PCBP3: variants seen among roughly 807,000 people sequenced by gnomAD.
PCBP3 encodes the protein poly(rC) binding protein 3, also known as poly(rC)-binding protein 3.
PCBP3 carries 25 observed loss-of-function variants against 52.7 expected under a neutral mutation model. The observed-to-expected ratio is 0.47, with a 90% CI of 0.35 to 0.66. The LOEUF (loss-of-function observed/expected upper bound fraction) is 0.66. Among genes scored for constraint, PCBP3 ranks in the 30% least tolerant of loss-of-function variants. The probability of loss-of-function intolerance (pLI) is 0.01; values close to 1 mark genes in which losing one functional copy is unlikely to be tolerated. For missense variants in PCBP3, 391 were observed against 490.3 expected (o/e 0.80, Z 1.91); for synonymous variants, 162 against 183.0 (o/e 0.89, Z 0.93).
chr21:45,823,921 T>C (rs146356342), intron 4 of PCBP3, among the ~76,000 whole-genome samples: 4,472 of 151,992 alleles, frequency 0.029, 79 homozygotes, highest in Non-Finnish European at 0.04. Context: ...TTTTTATTTT[T>C]AGTAGAGATG....
intron 1 of PCBP3, among the ~76,000 whole-genome samples, chr21:45,657,498 T>C (rs2080094508): frequency 6.6e-6 from 1 of 152,246 alleles, no homozygotes; most frequent in South Asian, 2.1e-4. Flanking sequence ...CTCTATTCCA[T>C]GGACCTATAT....
chr21:45,794,853 C>T (rs1479940538), intron 4 of PCBP3, among the ~76,000 whole-genome samples: 1 of 151,388 alleles, frequency 6.6e-6, no homozygotes, highest in Admixed American at 6.6e-5. Flanking sequence ...GGCGTGAACC[C>T]GGGAGGCGGA....
Position 45,749,257 on chromosome 21 carries a change from G to C in PCBP3, c.-161-6160G>C, listed in dbSNP as rs1260324302. 2 of 152,194 alleles carry C rather than the reference G, an allele frequency of 1.3e-5. 1 individual carries two copies. The allele number at this position is 152,194 out of a possible 1,614,324, so 9.4% of individuals were successfully genotyped here. ...TTGCTATTAGATTGTAAGAAGTTCA[G>C]ATCTCAAGTACTCATGGTCAAATTA... On this transcript the variant is annotated intron_variant, in intron 3 of 17. Transcript: ENST00000681687.
At chr21:45,893,535 G>A (rs923872251) in intron 5 of PCBP3, among the ~76,000 whole-genome samples, 1 of 152,138 alleles carries the variant, frequency 6.6e-6, no homozygotes, top group African/African-American at 2.4e-5. Context: ...AGGCACATCT[G>A]CAGATGGTGG....
rs938916124 is a variant in PCBP3, at chr21:45,658,490, G to GA, written c.-278-10383dup. ...GGCTAATTTTTGAATTTTTAGTTGA[G>GA]ACAGGGTCTTACCATGTTGGCCAGG... On this transcript the variant is annotated intron_variant, in intron 1 of 17. Transcript: ENST00000681687. Among the ~76,000 whole-genome samples, 21 of 152,244 alleles carry GA rather than the reference G, an allele frequency of 1.4e-4. 1 individual carries two copies. Among genetic ancestry groups the GA allele is most frequent in the African/African-American group, 4.6e-4 (19 of 41,538 alleles).
At position 45,909,427 on chromosome 21, in the gene PCBP3, G is replaced by C. The variant is rs2096282276; in HGVS notation, c.412G>C (p.Ala138Pro). The change falls in exon 10 of 18, where the codon GCC becomes CCC. Residue 138 changes from alanine (A) to proline (P), a missense_variant. Physicochemically the swap from Ala to Pro is conservative, Grantham distance 27. Transcript: ENST00000681687. ...AGTGACGCTGAGGCTGGTGGTGCCT[G>C]CCAGCCAGTGTGGGTCCCTGATCGG... ...PPVTLRLVVP[A>P]SQCGSLIGKG... The C allele has an allele frequency of 6.2e-7, 1 of 1,613,046 alleles. No individual in the cohort carries two copies. The highest frequency in any genetic ancestry group is 8.5e-7 in the Non-Finnish European group (1 of 1,179,500).
chr21:45,710,241 G>A (rs2083741121), intron 2 of PCBP3, among the ~76,000 whole-genome samples: 1 of 152,166 alleles, frequency 6.6e-6, no homozygotes. Context: ...CCATGTTGGT[G>A]TGCTGCACCC....
chr21:45,899,463 C>A, intron 6 of PCBP3, 136 bp from the exon 7 acceptor site: 1 of 662,486 alleles, frequency 1.5e-6, no homozygotes, highest in Non-Finnish European at 2.7e-6. Flanking sequence ...TGAATTCTCC[C>A]TTCTTCATGC....
chr21:45,649,793 TA>T (rs1460621871), intron 1 of PCBP3, among the ~76,000 whole-genome samples: 8 of 152,106 alleles, frequency 5.3e-5, no homozygotes, highest in Admixed American at 3.9e-4. Flanking sequence ...TGAACTTTGT[TA>T]TTTTTTTTTT....
chr21:45,649,845 G>A (rs545112606), intron 1 of PCBP3, among the ~76,000 whole-genome samples: 1 of 151,682 alleles, frequency 6.6e-6, no homozygotes, highest in African/African-American at 2.4e-5. Flanking sequence ...CACTTTACTA[G>A]TAGTTTAATA....
intron 5 of PCBP3, among the ~76,000 whole-genome samples, chr21:45,892,952 T>A (rs1379720576): frequency 6.7e-6 from 1 of 149,790 alleles, no homozygotes; most frequent in Non-Finnish European, 1.5e-5. Context: ...GGGGAGGGAG[T>A]CCTGGGGAGG....
At chr21:45,825,099 C>G (rs2093271106) in intron 4 of PCBP3, among the ~76,000 whole-genome samples, 1 of 152,204 alleles carries the variant, frequency 6.6e-6, no homozygotes, top group Admixed American at 6.5e-5. Context: ...CAGCAGGTGT[C>G]CCTGCATTGG....
chr21:45,816,712 A>T (rs1353815615), intron 4 of PCBP3, among the ~76,000 whole-genome samples: 1 of 149,580 alleles, frequency 6.7e-6, no homozygotes, highest in Non-Finnish European at 1.5e-5. Flanking sequence ...ACACCTCCTG[A>T]GAGACCTGAC....
chr21:45,880,212 G>A lies in PCBP3; in HGVS notation c.11-15996G>A, dbSNP rs919037061. 2.4e-4 allele frequency among the ~76,000 whole-genome samples: 37 copies of A among 152,212 alleles called. No individual in the cohort carries two copies. Among genetic ancestry groups the A allele is most frequent in the African/African-American group, 7.7e-4 (32 of 41,462 alleles). ...GATTTGCAAGTCACGGCCAGCCTTC[G>A]AAAGCAGGACTGTTGCCTGGTTCCC... On this transcript the variant is annotated intron_variant, in intron 5 of 17. Coordinates refer to ENST00000681687, the MANE Select transcript of PCBP3 (RefSeq NM_001384156.1). The surrounding 1 kb of genome is among the most constrained non-coding windows in gnomAD (Gnocchi z 5.4).
chr21:45,923,036 C>T (rs2149398355), intron 13 of PCBP3, among the ~76,000 whole-genome samples: 1 of 152,384 alleles, frequency 6.6e-6, no homozygotes, highest in East Asian at 1.9e-4. Context: ...GGATGCGGCC[C>T]TTCATCCCAG....
At chr21:45,844,453 C>T (rs1250137504) in intron 4 of PCBP3, among the ~76,000 whole-genome samples, 1 of 152,102 alleles carries the variant, frequency 6.6e-6, no homozygotes, top group Non-Finnish European at 1.5e-5. Flanking sequence ...CTCCACCCTC[C>T]CTCCAGCATT....
intron 9 of PCBP3, among the ~76,000 whole-genome samples, chr21:45,907,494 T>C (rs2096240998): frequency 6.6e-6 from 1 of 152,204 alleles, no homozygotes; most frequent in Admixed American, 6.5e-5. Context: ...CTTACGTCTG[T>C]CTTTGTGCTT....
chr21:45,933,477 A>G (rs896556752), intron 15 of PCBP3, among the ~76,000 whole-genome samples: 1 of 152,222 alleles, frequency 6.6e-6, no homozygotes, highest in Non-Finnish European at 1.5e-5. Context: ...ACTCCTCTCT[A>G]TTCATCTAAG....
At chr21:45,934,567 C>A (rs185325055) in intron 15 of PCBP3, among the ~76,000 whole-genome samples, 1 of 152,344 alleles carries the variant, frequency 6.6e-6, no homozygotes, top group East Asian at 1.9e-4. Flanking sequence ...CCTAGCACTT[C>A]ATTTTTGGCT....
Sources: gnomAD v4.1 joint callset for allele counts (sites outside exome capture counted in the v4.1 genomes callset) on GRCh38, gnomAD v4.1.1 for gene constraint, Gnocchi (gnomAD v3.1) non-coding constraint, MANE v1.5 for transcripts, NCBI Gene and HGNC (gene_info 2026-07-23, HGNC 2026-07-21) for gene names.